AURKC: variants seen among roughly 807,000 people sequenced by gnomAD.
The protein encoded by AURKC is ARK-3.
Under a neutral mutation model 29.2 loss-of-function variants are expected in AURKC, and 15 were observed. The observed-to-expected ratio is 0.51, with a 90% confidence interval of 0.34 to 0.79. The LOEUF is 0.79. Among genes scored for constraint, AURKC ranks in the 30% least tolerant of loss-of-function variants. The pLI is 0.01. For synonymous variants in AURKC, 150 were observed against 149.9 expected (o/e 1.00, Z -0.01); for missense variants, 332 against 383.2 (o/e 0.87, Z 1.12).
Position 57,234,907 on chromosome 19 carries a change from T to C in AURKC, c.608T>C (p.Leu203Pro), listed in dbSNP as rs753784986. 3.2e-5 allele frequency: 51 copies of C among 1,614,090 alleles called. No individual in the cohort carries two copies. The Middle Eastern group carries it at 4.9e-4, about 16-fold the overall frequency. Residue 203 changes from leucine (L) to proline (P), a missense_variant, in exon 6 of 7, where the codon CTG becomes CCG. Transcript: ENST00000302804. ...AGGAGGAAGACAATGTGTGGGACAC[T>C]GGACTACTTGCCGCCAGAAATGATT... The part of the protein sequence containing the change: ...SLRRKTMCGT[L>P]DYLPPEMIEG...
At position 57,231,149 on chromosome 19, in the gene AURKC, C is replaced by CT; in HGVS notation, c.-100_-99insT. On this transcript the variant is annotated 5_prime_UTR_variant, in exon 1 of 7. Coordinates refer to ENST00000302804, the MANE Select transcript of AURKC (RefSeq NM_001015878.2). ...CAGGACGAGCAGGATTGGAAGCGCC[C>CT]CGGCCAGAAAGTGACCCCCCACCCC... 2 of 1,486,566 alleles carry CT rather than the reference C, an allele frequency of 1.3e-6. No individual in the cohort carries two copies. Among genetic ancestry groups the CT allele is most frequent in the Non-Finnish European group, 9.1e-7 (1 of 1,093,594 alleles). The allele number at this position is 1,486,566 out of a possible 1,614,324, so 92.1% of individuals were successfully genotyped here.
In AURKC at chr19:57,232,391, TGTTCTCC is replaced by T. The variant is rs1177018331; in HGVS notation, c.297-143_297-137del. 4 of 1,429,342 alleles carry T rather than the reference TGTTCTCC, an allele frequency of 2.8e-6. No homozygotes were observed. The highest frequency in any genetic ancestry group is 3.9e-6 in the Non-Finnish European group (4 of 1,026,308). 88.5% of individuals were successfully genotyped at this position (1,429,342 alleles called of 1,614,324 possible). On this transcript the variant is annotated intron_variant, in intron 3 of 6. Transcript: ENST00000302804. The surrounding 1 kb of genome is among the most constrained non-coding windows in gnomAD (Gnocchi z 4.5). Reference sequence around the variant, plus strand: ...GGTCAGACACTCGAATCCTGGTTCCTGTTCTCCGTTCTCCCCTCACTTGCTCCCAGAT... The same window carrying T: ...GGTCAGACACTCGAATCCTGGTTCCTGTTCTCCCCTCACTTGCTCCCAGAT...
rs1360797040 is a variant in AURKC, at chr19:57,232,360, A to G, written c.296+136A>G. 7.2e-7 allele frequency: 1 copy of G among 1,386,940 alleles called. No homozygotes were observed. The highest frequency in any genetic ancestry group is 1.4e-5 in the African/African-American group (1 of 70,026). The allele number at this position is 1,386,940 out of a possible 1,614,324, so 85.9% of individuals were successfully genotyped here. On this transcript the variant is annotated intron_variant, in intron 3 of 6. Coordinates refer to ENST00000302804, the MANE Select transcript of AURKC (RefSeq NM_001015878.2). This position sits in a 1 kb window ranked among gnomAD's most constrained non-coding sequence, Gnocchi z 4.5. ...GTTCATTCCATTTACACTACCTCCT[A>G]CCCTGGGTCAGACACTCGAATCCTG... is the stretch of plus-strand genomic sequence containing the variant.
chr19:57,235,031 C>T lies in AURKC; in HGVS notation c.732C>T (p.His244=), dbSNP rs751240916. The T allele has an allele frequency of 1.9e-6, 3 of 1,614,170 alleles. No individual in the cohort carries two copies. Among genetic ancestry groups the T allele is most frequent in the South Asian group, 2.2e-5 (2 of 91,082 alleles). ...ATCCACCCTTTGAGAGCGCCTCCCA[C>T]AGTGAGACTTACAGACGCATCCTCA... The part of the protein sequence containing the change: ...VGYPPFESAS[H]SETYRRILKV... The change falls in exon 6 of 7, where the codon CAC becomes CAT. Residue 244 remains histidine (H), a synonymous_variant. Transcript: ENST00000302804.
chr19:57,235,214 A>G (rs1439636581), intron 6 of AURKC, 33 bp from the exon 7 acceptor site: 5 of 1,613,722 alleles, frequency 3.1e-6, no homozygotes, highest in East Asian at 4.5e-5. Context: ...GAAATTAACC[A>G]GACTTCTCTT....
rs1268606762 is a variant in AURKC, at chr19:57,235,422, T to C, written c.*5T>C. The C allele has an allele frequency of 6.2e-7, 1 of 1,613,294 alleles. No individual in the cohort carries two copies. The highest frequency in any genetic ancestry group is 8.5e-7 in the Non-Finnish European group (1 of 1,180,030). On this transcript the variant is annotated 3_prime_UTR_variant, in exon 7 of 7. Coordinates refer to ENST00000302804, the MANE Select transcript of AURKC (RefSeq NM_001015878.2). ...TGTGCTCAGATGGCTTCCTGAGCCC[T>C]GTCTGCCTCTGTTCCCTTTGTGTGT...
rs376035876 is a variant in AURKC at position 57,232,514 on chromosome 19, T to C, written c.297-28T>C. 15 of 1,613,922 alleles carry C rather than the reference T, an allele frequency of 9.3e-6. No individual in the cohort carries two copies. The African/African-American group carries it at 1.2e-4, about 13-fold the overall frequency. ...TCATATGATAGGCCTCAGGGAGAAA[T>C]CTGACTCTTCCAACATTAATCCTTC... On this transcript the variant is annotated intron_variant, in intron 3 of 6. Coordinates refer to ENST00000302804, the MANE Select transcript of AURKC (RefSeq NM_001015878.2). This position sits in a 1 kb window ranked among gnomAD's most constrained non-coding sequence, Gnocchi z 4.5.
chr19:57,231,834 G>A (rs370103974), intron 2 of AURKC, 47 bp downstream of exon 2: 1 of 1,614,066 alleles, frequency 6.2e-7, no homozygotes, highest in Non-Finnish European at 8.5e-7. Flanking sequence ...AAGGTGGGAC[G>A]TGGGGATGAA....
In AURKC at chr19:57,233,004, G is replaced by A. The variant is rs4801205; in HGVS notation, c.435+324G>A. ...AAGGAGTTCACTGAATAAATAGCTA[G>A]AACTGGCTTAGAGATAGGTACAAAG... On this transcript the variant is annotated intron_variant, in intron 4 of 6. Coordinates refer to ENST00000302804, the MANE Select transcript of AURKC (RefSeq NM_001015878.2). Among the ~76,000 whole-genome samples, 42,113 of 152,076 alleles carry A rather than the reference G, an allele frequency of 0.28. 6,815 individuals are homozygous for A. Among genetic ancestry groups the A allele is most frequent in the East Asian group, 0.68 (3,537 of 5,164 alleles).
At position 57,235,227 on chromosome 19, in the gene AURKC, T is replaced by C; in HGVS notation, c.760-20T>C. ...AAGAAATTAACCAGACTTCTCTTTC[T>C]TCTTTCCTGGCCTCATCAGGTAGAT... On this transcript the variant is annotated intron_variant, in intron 6 of 6. Coordinates refer to ENST00000302804, the MANE Select transcript of AURKC (RefSeq NM_001015878.2). The C allele has an allele frequency of 1.2e-6, 2 of 1,614,204 alleles. No individual in the cohort carries two copies. Among genetic ancestry groups the C allele is most frequent in the Non-Finnish European group, 1.7e-6 (2 of 1,180,010 alleles).
chr19:57,232,685 G>T lies in AURKC; in HGVS notation c.435+5G>T. 1 of 1,613,304 alleles carries T rather than the reference G, an allele frequency of 6.2e-7. No individual in the cohort carries two copies. The highest frequency in any genetic ancestry group is 2.2e-5 in the East Asian group (1 of 44,882). The stretch of plus-strand genomic sequence containing the variant: ...GATGAACAGCGCACAGCCACGGTGA[G>T]GTGCGGGTCTGGAGGCTCTGGGGTC... On this transcript the variant is annotated splice_donor_5th_base_variant and intron_variant, in intron 4 of 6. Coordinates refer to ENST00000302804, the MANE Select transcript of AURKC (RefSeq NM_001015878.2). The surrounding 1 kb of genome is among the most constrained non-coding windows in gnomAD (Gnocchi z 4.5).
intron 5 of AURKC, 101 bp from the exon 6 acceptor site, chr19:57,234,783 G>T (rs1407250787): frequency 4.9e-6 from 7 of 1,429,014 alleles, no homozygotes; most frequent in Non-Finnish European, 5.8e-6. Flanking sequence ...ACTTTCCAGG[G>T]TGTCCTAGGG....
chr19:57,234,869 T>G lies in AURKC; in HGVS notation c.585-15T>G. 6.2e-7 allele frequency: 1 copy of G among 1,614,126 alleles called. No homozygotes were observed. On this transcript the variant is annotated splice_polypyrimidine_tract_variant and intron_variant, in intron 5 of 6. Transcript: ENST00000302804. ...CCTCTGCTTAGTACTTATTCCCTTT[T>G]CTGCCTTCCTCTAGGAGGAAGACAA...
At chr19:57,231,399 T>A (rs768878946) in intron 1 of AURKC, 93 bp downstream of exon 1, 1 of 1,339,312 alleles carries the variant, frequency 7.5e-7, no homozygotes, top group South Asian at 1.3e-5. Context: ...ACATCTCCCC[T>A]CCCTCTCCTC....
rs1395606899 is a variant in AURKC, at chr19:57,232,536, C to A, written c.297-6C>A. 3 of 1,614,132 alleles carry A rather than the reference C, an allele frequency of 1.9e-6. No individual in the cohort carries two copies. In the Admixed American group the frequency reaches 5.0e-5, roughly 27 times the overall value. ...AAATCTGACTCTTCCAACATTAATC[C>A]TTCAGACACCCCAATATCCTGCGCC... On this transcript the variant is annotated splice_polypyrimidine_tract_variant and splice_region_variant and intron_variant, in intron 3 of 6. Coordinates refer to ENST00000302804, the MANE Select transcript of AURKC (RefSeq NM_001015878.2). This position sits in a 1 kb window ranked among gnomAD's most constrained non-coding sequence, Gnocchi z 4.5.
rs1480618244 is a variant in AURKC, at chr19:57,231,681, C to G, written c.59-61C>G. ...TCTACTGTTCTCCTCTCCTCTCTTTCTCTCCCCTTCTCCTTCCCTCCCCTC... is the reference window on the plus strand; with the variant it reads ...TCTACTGTTCTCCTCTCCTCTCTTTGTCTCCCCTTCTCCTTCCCTCCCCTC... On this transcript the variant is annotated intron_variant, in intron 1 of 6. Transcript: ENST00000302804. The G allele has an allele frequency of 2.5e-6, 4 of 1,590,428 alleles. No homozygotes were observed. In the African/African-American group the frequency reaches 5.4e-5, roughly 22 times the overall value.
Position 57,232,645 on chromosome 19 carries a change from A to G in AURKC, c.400A>G (p.Lys134Glu). ...GGGTGAGCTCTACAAGGAGCTGCAG[A>G]AAAGCGAGAAATTAGATGAACAGCG... Reference protein sequence around the residue: ...PRGELYKELQKSEKLDEQRTA... With the variant: ...PRGELYKELQESEKLDEQRTA... Residue 134 changes from lysine to glutamate, a missense_variant, in exon 4 of 7, where the codon AAA (lysine) becomes GAA (glutamate). By Grantham distance (56) the Lys-to-Glu change is moderately conservative. Coordinates refer to ENST00000302804, the MANE Select transcript of AURKC (RefSeq NM_001015878.2). The surrounding 1 kb of genome is among the most constrained non-coding windows in gnomAD (Gnocchi z 4.5). 6.2e-7 allele frequency: 1 copy of G among 1,614,088 alleles called. No homozygotes were observed. Among genetic ancestry groups the G allele is most frequent in the Non-Finnish European group, 8.5e-7 (1 of 1,180,036 alleles).
In AURKC at chr19:57,232,519, C is replaced by CTA. The variant is rs759870933; in HGVS notation, c.297-22_297-21insAT. On this transcript the variant is annotated intron_variant, in intron 3 of 6. Coordinates refer to ENST00000302804, the MANE Select transcript of AURKC (RefSeq NM_001015878.2). The surrounding 1 kb of genome is among the most constrained non-coding windows in gnomAD (Gnocchi z 4.5). ...TGATAGGCCTCAGGGAGAAATCTGA[C>CTA]TCTTCCAACATTAATCCTTCAGACA... 9.9e-6 allele frequency: 16 copies of CTA among 1,614,158 alleles called. No homozygotes were observed. The Admixed American group carries it at 2.5e-4, about 25-fold the overall frequency.
In AURKC at chr19:57,231,322, A is replaced by G; in HGVS notation, c.58+16A>G. The G allele has an allele frequency of 6.4e-7, 1 of 1,552,436 alleles. No individual in the cohort carries two copies. Among genetic ancestry groups the G allele is most frequent in the Non-Finnish European group, 8.7e-7 (1 of 1,147,476 alleles). ...GGCGAAGAGTGTGAGAGCCAGCGCC[A>G]GAGAAAGGACGCAGGGAAGGCTGGG... On this transcript the variant is annotated intron_variant, in intron 1 of 6. Transcript: ENST00000302804.
Sources: gnomAD v4.1 joint callset for allele counts (sites outside exome capture counted in the v4.1 genomes callset) on GRCh38, gnomAD v4.1.1 for gene constraint, Gnocchi (gnomAD v3.1) non-coding constraint, MANE v1.5 for transcripts, NCBI Gene and HGNC (gene_info 2026-07-23, HGNC 2026-07-21) for gene names.